Variants in CPNE3 observed in about 807,000 individuals in gnomAD.
CPNE3 encodes copine-3.
In CPNE3, 68 loss-of-function variants were observed where a neutral mutation model predicts 63.9. The ratio of observed to expected loss-of-function variants is 1.06; its 90% CI spans 0.87 to 1.30. The LOEUF (loss-of-function observed/expected upper bound fraction) is 1.30, where lower values mean the gene tolerates loss of function less well. Ranked by LOEUF, CPNE3 falls within the 50% of genes most tolerant of loss-of-function variation. The pLI, the probability that CPNE3 is intolerant of heterozygous loss-of-function variation, is 0.00. For synonymous variants in CPNE3, 219 were observed against 197.5 expected, an observed-to-expected ratio of 1.11 and a Z score of -0.91; for missense variants, 665 against 578.1, an observed-to-expected ratio of 1.15 and a Z score of -1.54.
At chr8:86,526,068 G>T (rs1203018038) in intron 2 of CPNE3, among the ~76,000 whole-genome samples, 1 of 152,124 alleles carries the variant, frequency 6.6e-6, no homozygotes, top group Non-Finnish European at 1.5e-5. Context: ...CACAGCAAGT[G>T]CCAGATGGAG....
chr8:86,519,706 G>C (rs1420550055), intron 2 of CPNE3, among the ~76,000 whole-genome samples: 1 of 152,094 alleles, frequency 6.6e-6, no homozygotes. Context: ...ATTTTTTTCA[G>C]ATATAGCTTT....
At chr8:86,530,661 G>A (rs1009162164) in intron 4 of CPNE3, among the ~76,000 whole-genome samples, 2 of 150,862 alleles carry the variant, frequency 1.3e-5, no homozygotes, top group Non-Finnish European at 3.0e-5. Context: ...CTCCTTAGAA[G>A]TTTTTTCCAA....
chr8:86,532,634 A>G, intron 6 of CPNE3, 54 bp downstream of exon 6: 1 of 1,478,556 alleles, frequency 6.8e-7, no homozygotes. Context: ...CTCTTTTTTA[A>G]GAAAATAAAA....
At chr8:86,526,839 C>T (rs1350110249) in intron 2 of CPNE3, among the ~76,000 whole-genome samples, 3 of 152,172 alleles carry the variant, frequency 2.0e-5, no homozygotes, top group Non-Finnish European at 4.4e-5. Context: ...GGTTTTCTAG[C>T]TACTTCTAAG....
intron 8 of CPNE3, among the ~76,000 whole-genome samples, chr8:86,542,812 T>C (rs1397595014): frequency 6.6e-6 from 1 of 152,008 alleles, no homozygotes; most frequent in African/African-American, 2.4e-5. Context: ...GCTTTTTCTA[T>C]ATATTTATTA....
chr8:86,524,435 G>T (rs1464435568), intron 2 of CPNE3, among the ~76,000 whole-genome samples: 1 of 152,038 alleles, frequency 6.6e-6, no homozygotes, highest in Non-Finnish European at 1.5e-5. Context: ...TGTTTCTAGG[G>T]ATTATTTGCA....
At chr8:86,533,551 A>G (rs977617594) in intron 6 of CPNE3, among the ~76,000 whole-genome samples, 2 of 152,052 alleles carry the variant, frequency 1.3e-5, no homozygotes, top group African/African-American at 4.8e-5. Context: ...AACAACAAAA[A>G]AACACTTAAA....
At position 86,528,545 on chromosome 8, in the gene CPNE3, C is replaced by A; in HGVS notation, c.-1C>A. ...TTATTGGTTTTCTCAGAACTCAAGA[C>A]ATGGCTGCCCAGTGTGTCACAAAGG... On this transcript the variant is annotated 5_prime_UTR_variant, in exon 3 of 17. Coordinates refer to ENST00000517490, the MANE Select transcript of CPNE3 (RefSeq NM_003909.5). 1 of 1,613,138 alleles carries A rather than the reference C, an allele frequency of 6.2e-7. No homozygotes were observed.
intron 5 of CPNE3, among the ~76,000 whole-genome samples, chr8:86,531,677 T>G (rs1820687435): frequency 6.6e-6 from 1 of 151,986 alleles, no homozygotes; most frequent in African/African-American, 2.4e-5. Flanking sequence ...TACCATCATT[T>G]TTTGTGCTTG....
chr8:86,532,835 A>G (rs764435137), intron 6 of CPNE3, among the ~76,000 whole-genome samples: 20 of 152,180 alleles, frequency 1.3e-4, no homozygotes, highest in Non-Finnish European at 2.8e-4. Flanking sequence ...ATGTTACTGT[A>G]AAAGGCATGA....
intron 4 of CPNE3, among the ~76,000 whole-genome samples, chr8:86,530,536 G>T (rs1345409305): frequency 6.6e-6 from 1 of 152,006 alleles, no homozygotes; most frequent in Admixed American, 6.6e-5. Flanking sequence ...TAAGTGATTT[G>T]TTTATGCGAT....
Position 86,560,621 on chromosome 8 carries a change from A to G in CPNE3, c.*2211A>G, listed in dbSNP as rs951118325. 5 of 152,130 alleles carry G rather than the reference A, an allele frequency of 3.3e-5. No homozygotes were observed. The highest frequency in any genetic ancestry group is 7.3e-5 in the Non-Finnish European group (5 of 68,028). The allele number at this position is 152,130 out of a possible 1,614,324, so 9.4% of individuals were successfully genotyped here. On this transcript the variant is annotated 3_prime_UTR_variant, in exon 17 of 17. Transcript: ENST00000517490. ...TTTTAAAATTTAAAACATTTAATTC[A>G]TGATCATGTTCATCAGTAGATGCTA...
Position 86,546,635 on chromosome 8 carries a change from A to G in CPNE3, c.773A>G (p.Lys258Arg), listed in dbSNP as rs2131481822. Residue 258 changes from lysine to arginine, a missense_variant, in exon 10 of 17, where the codon AAA becomes AGA. Transcript: ENST00000517490. The part of the protein sequence containing the change: ...ECINEKKRQK[K>R]KSYKNSGVIS... Reference sequence around the variant, plus strand: ...ATAAATGAGAAAAAAAGGCAAAAGAAAAAAAGCTACAAGAATTCAGGTGTT... The same window carrying G: ...ATAAATGAGAAAAAAAGGCAAAAGAGAAAAAGCTACAAGAATTCAGGTGTT... 6.2e-7 allele frequency: 1 copy of G among 1,613,856 alleles called. No homozygotes were observed. The highest frequency in any genetic ancestry group is 1.6e-4 in the Middle Eastern group (1 of 6,062).
chr8:86,534,015 A>G (rs1039584939), intron 6 of CPNE3, among the ~76,000 whole-genome samples: 4 of 151,996 alleles, frequency 2.6e-5, no homozygotes, highest in African/African-American at 9.7e-5. Context: ...AGTCCCAGCT[A>G]CTCAGGAGAC....
intron 10 of CPNE3, 51 bp downstream of exon 10, chr8:86,546,732 G>A (rs967915232): frequency 2.6e-6 from 4 of 1,556,522 alleles, no homozygotes; most frequent in Non-Finnish European, 2.6e-6. Context: ...TTCTTTTTGA[G>A]CTGGAGCCTC....
chr8:86,534,134 T>C (rs1435360520), intron 6 of CPNE3, among the ~76,000 whole-genome samples: 1 of 152,114 alleles, frequency 6.6e-6, no homozygotes, highest in Non-Finnish European at 1.5e-5. Context: ...ATTCTGCATA[T>C]GGCTAATTAA....
At chr8:86,538,375 A>AAAAT (rs1039333687) in intron 7 of CPNE3, among the ~76,000 whole-genome samples, 4 of 152,140 alleles carry the variant, frequency 2.6e-5, no homozygotes, top group South Asian at 2.1e-4. Context: ...ACTCCACCTC[A>AAAAT]AAATAAATAA....
rs1384644890 is a variant in CPNE3 at position 86,559,519 on chromosome 8, A to G, written c.*1109A>G. ...TTGCATTTTACAATTTAATAATGTG[A>G]TATTTCCTATGTCTACAGCATACCT... On this transcript the variant is annotated 3_prime_UTR_variant, in exon 17 of 17. Transcript: ENST00000517490. 6.6e-6 allele frequency: 1 copy of G among 152,180 alleles called. No homozygotes were observed. Among genetic ancestry groups the G allele is most frequent in the Non-Finnish European group, 1.5e-5 (1 of 68,032 alleles). The allele number at this position is 152,180 out of a possible 1,614,324, so 9.4% of individuals were successfully genotyped here. A position where few individuals can be genotyped will look rare whatever the true frequency, so the allele number is the denominator to read the frequency against.
At chr8:86,534,288 T>G (rs938631157) in intron 6 of CPNE3, among the ~76,000 whole-genome samples, 3 of 152,172 alleles carry the variant, frequency 2.0e-5, no homozygotes, top group Non-Finnish European at 4.4e-5. Flanking sequence ...TGTAATTCCA[T>G]CAGGAGGCTC....
Sources: gnomAD v4.1 joint callset for allele counts (sites outside exome capture counted in the v4.1 genomes callset) on GRCh38, gnomAD v4.1.1 for gene constraint, MANE v1.5 for transcripts, NCBI Gene and HGNC (gene_info 2026-07-23, HGNC 2026-07-21) for gene names.